The following ZSWIM6 variants were observed in gnomAD, a reference collection of about 807,000 sequenced individuals.
The protein encoded by ZSWIM6 is zinc finger SWIM-type containing 6.
ZSWIM6 carries 9 observed loss-of-function variants against 113.2 expected under a neutral mutation model. The ratio of observed to expected loss-of-function variants is 0.08; its 90% confidence interval spans 0.05 to 0.14. The LOEUF is 0.14. Among genes scored for constraint, ZSWIM6 ranks in the 10% least tolerant of loss-of-function variants. The probability of loss-of-function intolerance (pLI) is 1.00; values close to 1 mark genes in which losing one functional copy is unlikely to be tolerated. For synonymous variants in ZSWIM6, 611 were observed against 606.5 expected, an observed-to-expected ratio of 1.01 and a Z score of -0.11; for missense variants, 1,162 against 1,552.2, an observed-to-expected ratio of 0.75 and a Z score of 4.22.
intron 1 of ZSWIM6, among the ~76,000 whole-genome samples, chr5:61,441,087 G>A (rs1027330597): frequency 6.6e-6 from 1 of 152,108 alleles, no homozygotes; most frequent in Non-Finnish European, 1.5e-5. Flanking sequence ...AGGAGAAGGG[G>A]CATATTTGGC....
chr5:61,360,868 C>T (rs895550567), intron 1 of ZSWIM6, among the ~76,000 whole-genome samples: 1 of 152,166 alleles, frequency 6.6e-6, no homozygotes, highest in East Asian at 1.9e-4. Flanking sequence ...TGCTTGTTTT[C>T]GCCTTGTCTC....
intron 1 of ZSWIM6, chr5:61,390,957 G>C (rs1745695193): frequency 1.3e-6 from 1 of 761,460 alleles, no homozygotes; most frequent in South Asian, 1.3e-5. Flanking sequence ...ACAGGTCATA[G>C]TCAGTGGAGG....
intron 1 of ZSWIM6, among the ~76,000 whole-genome samples, chr5:61,359,142 A>G (rs1744980312): frequency 1.3e-5 from 2 of 152,180 alleles, no homozygotes; most frequent in African/African-American, 4.8e-5. Context: ...GATGGAAAGG[A>G]TAAGGCTCTG....
Position 61,543,338 on chromosome 5 carries a change from C to T in ZSWIM6, c.2786-117C>T. ...CACATTACTTTACAGGATTTTCTAG[C>T]CTAGCTCATGTCCTATGATGGTTAA... On this transcript the variant is annotated intron_variant, in intron 13 of 13. Coordinates refer to ENST00000252744, the MANE Select transcript of ZSWIM6 (RefSeq NM_020928.2). The surrounding 1 kb of genome is among the most constrained non-coding windows in gnomAD (Gnocchi z 4.3). The T allele has an allele frequency of 8.0e-7, 1 of 1,245,788 alleles. No individual in the cohort carries two copies. The allele number at this position is 1,245,788 out of a possible 1,614,324, so 77.2% of individuals were successfully genotyped here. A position where few individuals can be genotyped will look rare whatever the true frequency, so the allele number is the denominator to read the frequency against.
chr5:61,483,492 C>T lies in ZSWIM6; in HGVS notation c.1034-7294C>T, dbSNP rs977961329. On this transcript the variant is annotated intron_variant, in intron 2 of 13. Coordinates refer to ENST00000252744, the MANE Select transcript of ZSWIM6 (RefSeq NM_020928.2). Reference sequence around the variant, plus strand: ...ATACATTTGCTATTAGATTTTTCTCCACTTGAACCAAAATCTGTATCTATG... The same window carrying T: ...ATACATTTGCTATTAGATTTTTCTCTACTTGAACCAAAATCTGTATCTATG... Among the ~76,000 whole-genome samples, 6 of 152,092 alleles carry T rather than the reference C, an allele frequency of 3.9e-5. No individual in the cohort carries two copies. The South Asian group carries it at 1.0e-3, about 26-fold the overall frequency.
chr5:61,338,696 G>T (rs867658595), intron 1 of ZSWIM6, among the ~76,000 whole-genome samples: 13 of 152,332 alleles, frequency 8.5e-5, no homozygotes, highest in Middle Eastern at 3.4e-3. Context: ...AGGTGAAAAT[G>T]GCGGATTTGG....
chr5:61,526,227 AC>A (rs1749279695), intron 6 of ZSWIM6, 22 bp from the exon 7 acceptor site: 11 of 1,531,308 alleles, frequency 7.2e-6, no homozygotes, highest in Non-Finnish European at 9.7e-6. Context: ...TGGCAACTTT[AC>A]CCCCTTGACT....
At chr5:61,522,163 C>T (rs1749149485) in intron 5 of ZSWIM6, among the ~76,000 whole-genome samples, 1 of 150,968 alleles carries the variant, frequency 6.6e-6, no homozygotes, top group South Asian at 2.1e-4. Flanking sequence ...ACCCAAGTCT[C>T]TCCCATCTTT....
intron 7 of ZSWIM6, among the ~76,000 whole-genome samples, chr5:61,526,846 G>A (rs1006962036): frequency 3.9e-5 from 6 of 152,132 alleles, no homozygotes; most frequent in Admixed American, 3.9e-4. Context: ...TGTGCAATGA[G>A]GCTCAGTAGA....
chr5:61,341,107 G>T (rs1744536141), intron 1 of ZSWIM6, among the ~76,000 whole-genome samples: 1 of 152,238 alleles, frequency 6.6e-6, no homozygotes, highest in African/African-American at 2.4e-5. Flanking sequence ...TGGTCGGCCT[G>T]TGTCTACGTG....
intron 1 of ZSWIM6, chr5:61,391,037 C>T: frequency 1.3e-6 from 1 of 745,788 alleles, no homozygotes; most frequent in Non-Finnish European, 2.5e-6. Context: ...TTGTTGATCT[C>T]AGTGCTGTGA....
chr5:61,395,119 A>G lies in ZSWIM6; in HGVS notation c.676+62171A>G, dbSNP rs76022166. 7.9e-5 allele frequency among the ~76,000 whole-genome samples: 12 copies of G among 152,364 alleles called. No homozygotes were observed. The East Asian group carries it at 2.1e-3, about 27-fold the overall frequency. ...GTTAAGCATTAGTACCAAAGGGGGT[A>G]CATTTATAATGCAACTCATCCTCCT... On this transcript the variant is annotated intron_variant, in intron 1 of 13. Coordinates refer to ENST00000252744, the MANE Select transcript of ZSWIM6 (RefSeq NM_020928.2).
chr5:61,444,307 A>G (rs1245758380), intron 1 of ZSWIM6, among the ~76,000 whole-genome samples: 1 of 152,110 alleles, frequency 6.6e-6, no homozygotes, highest in Non-Finnish European at 1.5e-5. Context: ...ATAGTATTCC[A>G]TGGTGTATAT....
chr5:61,521,664 TG>T (rs1185228954), intron 5 of ZSWIM6, among the ~76,000 whole-genome samples: 2 of 152,218 alleles, frequency 1.3e-5, no homozygotes, highest in African/African-American at 4.8e-5. Context: ...AGAATATGGA[TG>T]GATATAATAC....
intron 1 of ZSWIM6, among the ~76,000 whole-genome samples, chr5:61,460,237 T>C (rs1747294945): frequency 6.6e-6 from 1 of 152,212 alleles, no homozygotes; most frequent in South Asian, 2.1e-4. Flanking sequence ...TGGCTCATGC[T>C]GATTGATGAT....
intron 4 of ZSWIM6, among the ~76,000 whole-genome samples, chr5:61,515,015 T>C (rs1748892570): frequency 6.6e-6 from 1 of 152,220 alleles, no homozygotes; most frequent in Non-Finnish European, 1.5e-5. Flanking sequence ...GATTTTTAAC[T>C]GCAAATTTAA....
intron 1 of ZSWIM6, among the ~76,000 whole-genome samples, chr5:61,444,898 A>G (rs957344176): frequency 6.6e-6 from 1 of 152,196 alleles, no homozygotes; most frequent in African/African-American, 2.4e-5. Flanking sequence ...AGTAGTGTCA[A>G]TATTCAAGAT....
chr5:61,461,462 C>T (rs547062344), intron 1 of ZSWIM6, among the ~76,000 whole-genome samples: 6 of 152,216 alleles, frequency 3.9e-5, no homozygotes, highest in South Asian at 2.1e-4. Flanking sequence ...ATCAAGAGTC[C>T]CAGTCTCTCT....
chr5:61,544,215 G>A lies in ZSWIM6; in HGVS notation c.3546G>A (p.Ala1182=), dbSNP rs762457192. The part of the protein sequence containing the change: ...LSKARETFLM[A]HDGHIQFTQF... ...AAGCCCGAGAGACCTTCTTAATGGCGCATGATGGACACATTCAGTTTACAC... is the reference window on the plus strand; with the variant it reads ...AAGCCCGAGAGACCTTCTTAATGGCACATGATGGACACATTCAGTTTACAC... The change falls in exon 14 of 14, where the codon GCG becomes GCA. Residue 1182 remains alanine, a synonymous_variant. Transcript: ENST00000252744. The A allele has an allele frequency of 4.8e-5, 75 of 1,551,392 alleles. No homozygotes were observed. The highest frequency in any genetic ancestry group is 2.7e-4 in the South Asian group (23 of 84,056).
Sources: gnomAD v4.1 joint callset for allele counts (sites outside exome capture counted in the v4.1 genomes callset) on GRCh38, gnomAD v4.1.1 for gene constraint, Gnocchi (gnomAD v3.1) non-coding constraint, MANE v1.5 for transcripts, NCBI Gene and HGNC (gene_info 2026-07-23, HGNC 2026-07-21) for gene names.